Variants in KCNIP4 observed in about 807,000 individuals in gnomAD.
KCNIP4 encodes the protein potassium voltage-gated channel interacting protein 4.
In KCNIP4, 12 loss-of-function variants were observed where a neutral mutation model predicts 34.0. That is an observed-to-expected ratio of 0.35 (90% confidence interval 0.23 to 0.57). The LOEUF is 0.57. Among genes scored for constraint, KCNIP4 ranks in the 20% least tolerant of loss-of-function variants. The pLI is 0.83. For missense variants in KCNIP4, 238 were observed against 311.7 expected, an observed-to-expected ratio of 0.76 and a Z score of 1.78; for synonymous variants, 124 against 102.2, an observed-to-expected ratio of 1.21 and a Z score of -1.29.
At chr4:21,156,316 A>G (rs992151529) in intron 1 of KCNIP4, among the ~76,000 whole-genome samples, 1 of 152,194 alleles carries the variant, frequency 6.6e-6, no homozygotes, top group African/African-American at 2.4e-5. Context: ...GATTTTACCA[A>G]TGAATGTGAA....
chr4:20,803,444 G>A (rs1463117438), intron 3 of KCNIP4, among the ~76,000 whole-genome samples: 1 of 135,142 alleles, frequency 7.4e-6, no homozygotes, highest in Non-Finnish European at 1.5e-5. Flanking sequence ...ACCAGCCTGG[G>A]GAACATGGCA....
intron 1 of KCNIP4, chr4:21,763,035 A>G: frequency 1.6e-6 from 2 of 1,288,904 alleles, no homozygotes; most frequent in Non-Finnish European, 2.0e-6. Flanking sequence ...AACCGCTTCT[A>G]GATTGAATGG....
At chr4:21,901,682 A>T (rs1331587199) in intron 1 of KCNIP4, among the ~76,000 whole-genome samples, 2 of 152,294 alleles carry the variant, frequency 1.3e-5, no homozygotes, top group South Asian at 4.1e-4. Context: ...TAATTACTAC[A>T]AGTTAAAACT....
At chr4:21,870,599 T>A (rs1170990566) in intron 1 of KCNIP4, among the ~76,000 whole-genome samples, 1 of 152,218 alleles carries the variant, frequency 6.6e-6, no homozygotes, top group Non-Finnish European at 1.5e-5. Flanking sequence ...ATAAAAAGAA[T>A]TCCTCTTAAG....
At chr4:21,172,724 AGTATTGGATT>A in intron 1 of KCNIP4, among the ~76,000 whole-genome samples, 1 of 152,286 alleles carries the variant, frequency 6.6e-6, no homozygotes, top group South Asian at 2.1e-4. Context: ...CTCTGGTCCA[AGTATTGGATT>A]CGGTGGCTTA....
intron 1 of KCNIP4, among the ~76,000 whole-genome samples, chr4:21,931,149 T>C (rs926576137): frequency 2.0e-5 from 3 of 151,930 alleles, no homozygotes; most frequent in South Asian, 2.1e-4. Context: ...TAGAACAACA[T>C]CTCTAACTAC....
chr4:20,861,593 T>C (rs1722201295), intron 2 of KCNIP4, among the ~76,000 whole-genome samples: 1 of 152,232 alleles, frequency 6.6e-6, no homozygotes. Flanking sequence ...CATTTATAAT[T>C]AGTACTTTAT....
chr4:21,629,064 G>C (rs1745534037), intron 1 of KCNIP4, among the ~76,000 whole-genome samples: 1 of 152,136 alleles, frequency 6.6e-6, no homozygotes, highest in South Asian at 2.1e-4. Flanking sequence ...GTGGGTCACA[G>C]GTCAGAAAAC....
chr4:21,239,840 G>C (rs1759667150), intron 1 of KCNIP4, among the ~76,000 whole-genome samples: 1 of 152,098 alleles, frequency 6.6e-6, no homozygotes, highest in African/African-American at 2.4e-5. Context: ...TCTAGAACTA[G>C]AAATACCATT....
intron 2 of KCNIP4, among the ~76,000 whole-genome samples, chr4:20,871,483 GC>G (rs1723452278): frequency 6.6e-6 from 1 of 152,064 alleles, no homozygotes; most frequent in Non-Finnish European, 1.5e-5. Flanking sequence ...AATTAAAAGG[GC>G]CAGGGAGTGG....
Position 21,112,045 on chromosome 4 carries a change from C to CTATCTATCTATCTATCTATCTATCTATA in KCNIP4, c.62-229337_62-229336insTATAGATAGATAGATAGATAGATAGATA, listed in dbSNP as rs1560732851. Among the ~76,000 whole-genome samples, 1,045 of 148,624 alleles carry CTATCTATCTATCTATCTATCTATCTATA rather than the reference C, an allele frequency of 7.0e-3. 12 individuals are homozygous for CTATCTATCTATCTATCTATCTATCTATA. Among genetic ancestry groups the CTATCTATCTATCTATCTATCTATCTATA allele is most frequent in the African/African-American group, 0.026 (978 of 38,294 alleles). On this transcript the variant is annotated intron_variant, in intron 1 of 8. Coordinates refer to ENST00000382152, the MANE Select transcript of KCNIP4 (RefSeq NM_025221.6). ...TCTCTGTATCTATCTATCTATCTATCTATCTATCTATCTATCTATCTATCT... is the reference window on the plus strand; with the variant it reads ...TCTCTGTATCTATCTATCTATCTATCTATCTATCTATCTATCTATCTATCTATATATCTATCTATCTATCTATCTATCT...
chr4:21,834,407 G>A (rs1373444336), intron 1 of KCNIP4, among the ~76,000 whole-genome samples: 5 of 152,150 alleles, frequency 3.3e-5, no homozygotes, highest in Non-Finnish European at 7.3e-5. Context: ...TGTTGTTGGT[G>A]TATAAGAATG....
chr4:21,802,523 A>T (rs1477417342), intron 1 of KCNIP4, among the ~76,000 whole-genome samples: 1 of 152,222 alleles, frequency 6.6e-6, no homozygotes, highest in Non-Finnish European at 1.5e-5. Flanking sequence ...CCAAAAAATA[A>T]TAAATTATTT....
At chr4:21,466,316 G>A (rs1017641910) in intron 1 of KCNIP4, among the ~76,000 whole-genome samples, 1 of 152,068 alleles carries the variant, frequency 6.6e-6, no homozygotes, top group Non-Finnish European at 1.5e-5. Context: ...ACACTTCAGG[G>A]AACTTATGTG....
At chr4:21,864,072 C>T (rs985199931) in intron 1 of KCNIP4, among the ~76,000 whole-genome samples, 6 of 152,204 alleles carry the variant, frequency 3.9e-5, no homozygotes, top group African/African-American at 1.2e-4. Context: ...GACTTTGTTA[C>T]ATGACTAGCA....
intron 1 of KCNIP4, among the ~76,000 whole-genome samples, chr4:21,123,876 T>C (rs1216964533): frequency 3.9e-5 from 6 of 152,136 alleles, no homozygotes; most frequent in Non-Finnish European, 7.3e-5. Context: ...GCCAAGAAGA[T>C]GGCCAACACC....
intron 1 of KCNIP4, among the ~76,000 whole-genome samples, chr4:21,510,645 C>T (rs1734235228): frequency 6.6e-6 from 1 of 152,082 alleles, no homozygotes; most frequent in African/African-American, 2.4e-5. Flanking sequence ...ACTCTCTAAG[C>T]CTCAGTTTCC....
intron 1 of KCNIP4, among the ~76,000 whole-genome samples, chr4:21,393,586 G>A (rs1187017676): frequency 6.6e-6 from 1 of 152,090 alleles, no homozygotes; most frequent in Non-Finnish European, 1.5e-5. Context: ...TAGCACCTTG[G>A]TACGCAAAAC....
chr4:20,938,676 C>T lies in KCNIP4; in HGVS notation c.62-55967G>A, dbSNP rs369375122. On this transcript the variant is annotated intron_variant, in intron 1 of 8. Coordinates refer to ENST00000382152, the MANE Select transcript of KCNIP4 (RefSeq NM_025221.6). ...TTCTCCAATGCCTCCCTATCAAACC[C>T]TTTCCATTGACATTTCTGAGGCCTA... is the stretch of plus-strand genomic sequence containing the variant. 1.7e-4 allele frequency among the ~76,000 whole-genome samples: 26 copies of T among 152,292 alleles called. No homozygotes were observed. In the South Asian group the frequency reaches 3.3e-3, roughly 19 times the overall value.
Sources: gnomAD v4.1 joint callset for allele counts (sites outside exome capture counted in the v4.1 genomes callset) on GRCh38, gnomAD v4.1.1 for gene constraint, MANE v1.5 for transcripts, NCBI Gene and HGNC (gene_info 2026-07-23, HGNC 2026-07-21) for gene names.